The following DSCAM variants were observed in gnomAD, a reference collection of about 807,000 sequenced individuals.
DSCAM encodes DS cell adhesion molecule.
DSCAM carries 47 observed loss-of-function variants against 217.7 expected under a neutral mutation model. The observed-to-expected ratio is 0.22, with a 90% CI of 0.17 to 0.28. DSCAM has a LOEUF of 0.28. Among genes scored for constraint, DSCAM ranks in the 10% least tolerant of loss-of-function variants. The pLI, the probability that DSCAM is intolerant of heterozygous loss-of-function variation, is 1.00. For missense variants in DSCAM, 2,080 were observed against 2,618.3 expected, an observed-to-expected ratio of 0.79 and a Z score of 4.49; for synonymous variants, 1,056 against 1,015.3, an observed-to-expected ratio of 1.04 and a Z score of -0.76.
chr21:40,206,400 C>T (rs956015588), intron 11 of DSCAM, among the ~76,000 whole-genome samples: 2 of 152,048 alleles, frequency 1.3e-5, no homozygotes, highest in Non-Finnish European at 2.9e-5. Flanking sequence ...GGGGTAGGCC[C>T]GACCTGTGGA....
chr21:40,298,398 G>A (rs918496844), intron 9 of DSCAM, among the ~76,000 whole-genome samples: 5 of 152,182 alleles, frequency 3.3e-5, no homozygotes, highest in African/African-American at 1.2e-4. Flanking sequence ...TTCTTGATGA[G>A]CAAAGTTCCC....
chr21:40,174,002 G>C, intron 15 of DSCAM, among the ~76,000 whole-genome samples: 1 of 152,182 alleles, frequency 6.6e-6, no homozygotes, highest in East Asian at 1.9e-4. Context: ...TGACCTGCAG[G>C]GGGCAGCTGC....
At chr21:40,629,079 GT>G (rs2089648896) in intron 3 of DSCAM, among the ~76,000 whole-genome samples, 1 of 1,510 alleles carries the variant, frequency 6.6e-4, no homozygotes, top group African/African-American at 2.4e-3. Flanking sequence ...TGTGTGTGGT[GT>G]GTGTGTGTGT....
rs190610356 is a variant in DSCAM, at chr21:40,733,896, G to A, written c.44-25125C>T. 1.4e-3 allele frequency among the ~76,000 whole-genome samples: 209 copies of A among 152,202 alleles called. 1 individual carries two copies. Among genetic ancestry groups the A allele is most frequent in the African/African-American group, 4.8e-3 (199 of 41,540 alleles). Reference sequence around the variant, plus strand: ...CGTCAGCACCACATTGTCAAGCTCAGACTTTGTCATAAACAGATGATATTT... The same window carrying A: ...CGTCAGCACCACATTGTCAAGCTCAAACTTTGTCATAAACAGATGATATTT... On this transcript the variant is annotated intron_variant, in intron 1 of 32. Coordinates refer to ENST00000400454, the MANE Select transcript of DSCAM (RefSeq NM_001389.5).
intron 1 of DSCAM, among the ~76,000 whole-genome samples, chr21:40,770,774 A>G (rs2091437237): frequency 6.6e-6 from 1 of 152,266 alleles, no homozygotes; most frequent in Non-Finnish European, 1.5e-5. Context: ...TTAGTTAGGC[A>G]GCCCTAACCA....
chr21:40,388,649 C>A (rs2123748909), intron 3 of DSCAM, among the ~76,000 whole-genome samples: 1 of 151,902 alleles, frequency 6.6e-6, no homozygotes, highest in African/African-American at 2.4e-5. Context: ...AACCCCCCCT[C>A]CTCCACTGAT....
At chr21:40,764,862 ACAC>A (rs1182687638) in intron 1 of DSCAM, among the ~76,000 whole-genome samples, 1 of 152,142 alleles carries the variant, frequency 6.6e-6, no homozygotes, top group African/African-American at 2.4e-5. Context: ...AGAAAACCAA[ACAC>A]CACATGTTCT....
chr21:40,711,462 C>T (rs2090779623), intron 1 of DSCAM, among the ~76,000 whole-genome samples: 1 of 152,178 alleles, frequency 6.6e-6, no homozygotes, highest in African/African-American at 2.4e-5. Context: ...GTGGTCTCCA[C>T]CCTGCTGTTA....
At chr21:40,475,795 C>T (rs895649669) in intron 3 of DSCAM, among the ~76,000 whole-genome samples, 3 of 152,074 alleles carry the variant, frequency 2.0e-5, no homozygotes, top group Admixed American at 2.0e-4. Context: ...CGTGCCGTCG[C>T]ACTCCAGCCT....
chr21:40,619,112 T>C (rs890444746), intron 3 of DSCAM, among the ~76,000 whole-genome samples: 7 of 152,142 alleles, frequency 4.6e-5, no homozygotes, highest in African/African-American at 1.7e-4. Flanking sequence ...AAGTGAGGCA[T>C]ACACATTTAA....
In DSCAM at chr21:40,080,343, G is replaced by A; in HGVS notation, c.4232-3C>T. 1 of 1,582,606 alleles carries A rather than the reference G, an allele frequency of 6.3e-7. No homozygotes were observed. The highest frequency in any genetic ancestry group is 8.6e-7 in the Non-Finnish European group (1 of 1,160,708). ...CTCGGAGTACTGCAGTATGTATCCT[G>A]CAGAGAATGAGAAAGATTCACATGA... On this transcript the variant is annotated splice_region_variant and splice_polypyrimidine_tract_variant and intron_variant, in intron 24 of 32. Transcript: ENST00000400454.
chr21:40,746,496 A>G (rs2091176294), intron 1 of DSCAM, among the ~76,000 whole-genome samples: 1 of 151,968 alleles, frequency 6.6e-6, no homozygotes, highest in East Asian at 1.9e-4. Flanking sequence ...CAGAAAGAGA[A>G]CATTACAATT....
chr21:40,309,458 A>G (rs1211894067), intron 9 of DSCAM, among the ~76,000 whole-genome samples: 1 of 152,080 alleles, frequency 6.6e-6, no homozygotes, highest in African/African-American at 2.4e-5. Context: ...CTCCTCCTTT[A>G]CAGGCTGCTC....
chr21:40,412,567 T>C (rs1019165223), intron 3 of DSCAM, among the ~76,000 whole-genome samples: 2 of 152,146 alleles, frequency 1.3e-5, no homozygotes, highest in African/African-American at 4.8e-5. Flanking sequence ...AACTTTGAAC[T>C]TGACAGATAT....
intron 3 of DSCAM, among the ~76,000 whole-genome samples, chr21:40,465,633 T>C (rs1236997550): frequency 6.6e-6 from 1 of 152,226 alleles, no homozygotes; most frequent in African/African-American, 2.4e-5. Flanking sequence ...GTGTAAACTT[T>C]CTTAAAACAT....
intron 3 of DSCAM, among the ~76,000 whole-genome samples, chr21:40,419,040 G>A (rs576532535): frequency 7.9e-5 from 12 of 151,938 alleles, no homozygotes; most frequent in South Asian, 4.2e-4. Context: ...GTGCGATCTC[G>A]GCCCACTGCA....
At chr21:40,590,667 A>G (rs1468227404) in intron 3 of DSCAM, among the ~76,000 whole-genome samples, 1 of 152,216 alleles carries the variant, frequency 6.6e-6, no homozygotes, top group East Asian at 1.9e-4. Flanking sequence ...AAAGTCAAAA[A>G]TACTAAGAAA....
intron 11 of DSCAM, among the ~76,000 whole-genome samples, chr21:40,249,843 A>C (rs1431875523): frequency 1.3e-5 from 2 of 152,132 alleles, no homozygotes; most frequent in African/African-American, 4.8e-5. Context: ...CCAAAGAAGG[A>C]TGAAGGAGTT....
chr21:40,722,577 C>A (rs148745797), intron 1 of DSCAM, among the ~76,000 whole-genome samples: 1 of 151,910 alleles, frequency 6.6e-6, no homozygotes, highest in African/African-American at 2.4e-5. Context: ...TTAAAAAATA[C>A]TCCATTAATC....
Sources: gnomAD v4.1 joint callset for allele counts (sites outside exome capture counted in the v4.1 genomes callset) on GRCh38, gnomAD v4.1.1 for gene constraint, MANE v1.5 for transcripts, NCBI Gene and HGNC (gene_info 2026-07-23, HGNC 2026-07-21) for gene names.